TEAD1: variants seen among roughly 807,000 people sequenced by gnomAD.
TEAD1 encodes TEA domain transcription factor 1.
Under a neutral mutation model 54.9 loss-of-function variants are expected in TEAD1, and 9 were observed. That is an observed-to-expected ratio of 0.16 (90% CI 0.10 to 0.29). The LOEUF is 0.29. TEAD1 is among the 10% of genes least tolerant of loss of function. The pLI is 1.00. For synonymous variants in TEAD1, 200 were observed against 187.8 expected, an observed-to-expected ratio of 1.07 and a Z score of -0.53; for missense variants, 387 against 535.9, an observed-to-expected ratio of 0.72 and a Z score of 2.74.
chr11:12,776,776 TTATTATTATTATTATTATTATTA>T (rs1564935878), intron 3 of TEAD1, among the ~76,000 whole-genome samples: 35 of 126,498 alleles, frequency 2.8e-4, no homozygotes, highest in African/African-American at 1.7e-3. Context: ...ATTATTATTA[TTATTATTATTATTATTATTATTA>T]TCATTATTAT....
intron 5 of TEAD1, among the ~76,000 whole-genome samples, chr11:12,866,955 C>T (rs1046887621): frequency 2.0e-5 from 3 of 152,018 alleles, no homozygotes; most frequent in Admixed American, 6.6e-5. Flanking sequence ...GGGTGCATCC[C>T]GGGGATGAGC....
At position 12,710,145 on chromosome 11, in the gene TEAD1, A is replaced by C. The variant is rs1394266826; in HGVS notation, c.-55+34584A>C. ...AGTTTGAGACCAGCCTGGGCAACAT[A>C]GCAAGTCCTTGTCTCTACAAAAAAT... On this transcript the variant is annotated intron_variant, in intron 2 of 12. Coordinates refer to ENST00000527636, the MANE Select transcript of TEAD1 (RefSeq NM_021961.6). 2.0e-5 allele frequency among the ~76,000 whole-genome samples: 3 copies of C among 151,972 alleles called. No individual in the cohort carries two copies. In the East Asian group the frequency reaches 5.8e-4, roughly 29 times the overall value.
At chr11:12,885,236 T>G (rs1948063037) in intron 9 of TEAD1, among the ~76,000 whole-genome samples, 1 of 3,414 alleles carries the variant, frequency 2.9e-4, no homozygotes, top group East Asian at 3.9e-3. Flanking sequence ...TGAATTGTCT[T>G]TTTTTTTTTT....
intron 2 of TEAD1, among the ~76,000 whole-genome samples, chr11:12,727,113 G>A (rs569923500): frequency 1.3e-5 from 2 of 152,218 alleles, no homozygotes; most frequent in East Asian, 3.9e-4. Context: ...GGTGGTGCAC[G>A]CCTGTAGTCC....
At chr11:12,786,358 T>C (rs1945677291) in intron 3 of TEAD1, among the ~76,000 whole-genome samples, 1 of 152,170 alleles carries the variant, frequency 6.6e-6, no homozygotes, top group Non-Finnish European at 1.5e-5. Flanking sequence ...GGTTCTTCAC[T>C]GGGTCTTCTG....
chr11:12,777,796 A>G (rs755729929), intron 3 of TEAD1, among the ~76,000 whole-genome samples: 34 of 152,338 alleles, frequency 2.2e-4, no homozygotes, highest in Middle Eastern at 3.4e-3. Flanking sequence ...ATTGTAAACC[A>G]TGTGTATTAG....
At chr11:12,760,752 C>T (rs900616067) in intron 2 of TEAD1, among the ~76,000 whole-genome samples, 3 of 152,182 alleles carry the variant, frequency 2.0e-5, no homozygotes, top group Admixed American at 6.5e-5. Context: ...CTCTCAGAGC[C>T]TGTAGATACA....
intron 3 of TEAD1, among the ~76,000 whole-genome samples, chr11:12,846,326 A>G (rs1412370838): frequency 6.6e-6 from 1 of 151,852 alleles, no homozygotes; most frequent in Non-Finnish European, 1.5e-5. Flanking sequence ...GGCTTAAAAT[A>G]GATTCACTCA....
intron 2 of TEAD1, among the ~76,000 whole-genome samples, chr11:12,677,410 C>G (rs1943120922): frequency 6.6e-6 from 1 of 152,042 alleles, no homozygotes; most frequent in Non-Finnish European, 1.5e-5. Flanking sequence ...CCCATTTCCT[C>G]TCTCCCCCCA....
intron 2 of TEAD1, among the ~76,000 whole-genome samples, chr11:12,727,272 A>G (rs7945718): frequency 0.35 from 52,476 of 151,924 alleles, 9,606 homozygotes; most frequent in South Asian, 0.61. Context: ...GTAAAATGAC[A>G]ACTGTGGTTC....
At chr11:12,891,959 G>C (rs1388282739) in intron 9 of TEAD1, among the ~76,000 whole-genome samples, 1 of 152,168 alleles carries the variant, frequency 6.6e-6, no homozygotes, top group South Asian at 2.1e-4. Flanking sequence ...ATTCCAAGGG[G>C]CTGGACCTCC....
At chr11:12,825,007 T>C (rs1946621737) in intron 3 of TEAD1, among the ~76,000 whole-genome samples, 1 of 152,244 alleles carries the variant, frequency 6.6e-6, no homozygotes, top group Admixed American at 6.5e-5. Context: ...GTTCTTAATT[T>C]AAAACACACA....
intron 3 of TEAD1, among the ~76,000 whole-genome samples, chr11:12,771,641 A>G (rs989781392): frequency 3.9e-5 from 6 of 152,274 alleles, no homozygotes; most frequent in Middle Eastern, 3.4e-3. Flanking sequence ...GATGTACTGG[A>G]TGACCATCCA....
At chr11:12,863,053 T>G (rs2134068709) in intron 4 of TEAD1, among the ~76,000 whole-genome samples, 1 of 151,994 alleles carries the variant, frequency 6.6e-6, no homozygotes, top group African/African-American at 2.4e-5. Flanking sequence ...AAAAACCTCA[T>G]GGGTGAGTTG....
chr11:12,702,890 A>T (rs1943733750), intron 2 of TEAD1, among the ~76,000 whole-genome samples: 2 of 152,148 alleles, frequency 1.3e-5, no homozygotes, highest in African/African-American at 4.8e-5. Flanking sequence ...TTTAATTTTC[A>T]CAATAATTCT....
Position 12,942,597 on chromosome 11 carries a change from T to TCGAA in TEAD1, c.*5377_*5378insAACG, listed in dbSNP as rs1269106486. ...TACAGCTTTCTCCTCCTCCTTGTGTTCGTGTTCAGTCTCTGTGGAGACTTT... is the reference window on the plus strand; with the variant it reads ...TACAGCTTTCTCCTCCTCCTTGTGTTCGAACGTGTTCAGTCTCTGTGGAGACTTT... On this transcript the variant is annotated 3_prime_UTR_variant, in exon 13 of 13. Coordinates refer to ENST00000527636, the MANE Select transcript of TEAD1 (RefSeq NM_021961.6). 1.9e-4 allele frequency: 29 copies of TCGAA among 152,252 alleles called. No homozygotes were observed. The highest frequency in any genetic ancestry group is 6.8e-4 in the African/African-American group (28 of 41,462). 9.4% of individuals were successfully genotyped at this position (152,252 alleles called of 1,614,324 possible).
intron 3 of TEAD1, among the ~76,000 whole-genome samples, chr11:12,820,084 G>C (rs748446726): frequency 2.0e-5 from 3 of 152,064 alleles, no homozygotes; most frequent in Non-Finnish European, 1.5e-5. Context: ...CAGGTCATGG[G>C]GGTCCACTGT....
chr11:12,689,437 GCA>G (rs943699598), intron 2 of TEAD1, among the ~76,000 whole-genome samples: 10 of 152,272 alleles, frequency 6.6e-5, no homozygotes, highest in African/African-American at 1.9e-4. Context: ...TCCTTCTGAA[GCA>G]CAGTTTCCTA....
intron 2 of TEAD1, among the ~76,000 whole-genome samples, chr11:12,728,515 G>C (rs573436294): frequency 6.6e-6 from 1 of 152,276 alleles, no homozygotes; most frequent in South Asian, 2.1e-4. Flanking sequence ...GGTATCTGAG[G>C]GGTATAAGGT....
Sources: allele counts gnomAD v4.1 joint callset (sites outside exome capture counted in the v4.1 genomes callset), GRCh38; gene constraint gnomAD v4.1.1; transcripts MANE v1.5; gene names NCBI Gene and HGNC (gene_info 2026-07-23, HGNC 2026-07-21).